LARP1B: variants seen among roughly 807,000 people sequenced by gnomAD.
The protein encoded by LARP1B is La ribonucleoprotein 1B, also known as la-related protein 1B.
Under a neutral mutation model 114.2 loss-of-function variants are expected in LARP1B, and 76 were observed. The ratio of observed to expected loss-of-function variants is 0.67; its 90% CI spans 0.55 to 0.81. The LOEUF is 0.81. Among genes scored for constraint, LARP1B ranks in the 30% least tolerant of loss-of-function variants. The probability of loss-of-function intolerance (pLI) is 0.00; values close to 1 mark genes in which losing one functional copy is unlikely to be tolerated. For synonymous variants in LARP1B, 345 were observed against 348.0 expected, an observed-to-expected ratio of 0.99 and a Z score of 0.10; for missense variants, 1,014 against 1,075.8, an observed-to-expected ratio of 0.94 and a Z score of 0.80.
chr4:128,091,060 G>C lies in LARP1B; in HGVS notation c.418G>C (p.Glu140Gln), dbSNP rs761152096. The part of the protein sequence containing the change: ...DQDDVSSVRS[E>Q]GGNIRGSFRG... ...AGATGACGTTTCCAGTGTGAGAAGT[G>C]AGGGTGGTAATATCCGAGGTTCCTT... Residue 140 changes from glutamate to glutamine, a missense_variant, in exon 6 of 20, where the codon GAG becomes CAG. Physicochemically the swap from Glu to Gln is conservative, Grantham distance 29. Transcript: ENST00000326639. 11 of 1,613,792 alleles carry C rather than the reference G, an allele frequency of 6.8e-6. No homozygotes were observed. In the South Asian group the frequency reaches 9.9e-5, roughly 15 times the overall value.
At chr4:128,130,783 CTT>C (rs1438138971) in intron 11 of LARP1B, among the ~76,000 whole-genome samples, 1 of 152,154 alleles carries the variant, frequency 6.6e-6, no homozygotes, top group Non-Finnish European at 1.5e-5. Context: ...CCCAAGGTGT[CTT>C]TGAATAGGTG....
intron 11 of LARP1B, among the ~76,000 whole-genome samples, chr4:128,142,502 A>G (rs917216420): frequency 1.3e-5 from 2 of 148,450 alleles, no homozygotes; most frequent in Middle Eastern, 3.2e-3. Context: ...TATGTTGTAT[A>G]TTTCTTTCTT....
chr4:128,134,254 G>A (rs1241353784), intron 11 of LARP1B, among the ~76,000 whole-genome samples: 1 of 151,962 alleles, frequency 6.6e-6, no homozygotes, highest in Non-Finnish European at 1.5e-5. Flanking sequence ...TTCCATCTTG[G>A]CCTTGCAAAG....
Position 128,126,466 on chromosome 4 carries a change from A to G in LARP1B, c.1524+4278A>G, listed in dbSNP as rs1358072337. The stretch of plus-strand genomic sequence containing the variant: ...AGTCAGATTATTAAACAAAATATGC[A>G]GTAGCTAGGCTTACTGTGTTTAAGG... On this transcript the variant is annotated intron_variant, in intron 11 of 19. Transcript: ENST00000326639. 3.3e-5 allele frequency among the ~76,000 whole-genome samples: 5 copies of G among 152,208 alleles called. No homozygotes were observed. The East Asian group carries it at 9.6e-4, about 29-fold the overall frequency.
In LARP1B at chr4:128,211,385, A is replaced by G; in HGVS notation, c.*1332A>G. On this transcript the variant is annotated 3_prime_UTR_variant, in exon 20 of 20. Coordinates refer to ENST00000326639, the MANE Select transcript of LARP1B (RefSeq NM_018078.4). ...ATATCTTGTTCTTATAAATTATAAT[A>G]TTGAAATACATATAATCTTTGGATG... 1 of 917,804 alleles carries G rather than the reference A, an allele frequency of 1.1e-6. No homozygotes were observed. The highest frequency in any genetic ancestry group is 1.3e-6 in the Non-Finnish European group (1 of 768,382). 56.9% of individuals were successfully genotyped at this position (917,804 alleles called of 1,614,324 possible).
chr4:128,200,238 A>G (rs904207473), intron 16 of LARP1B, among the ~76,000 whole-genome samples: 3 of 151,960 alleles, frequency 2.0e-5, no homozygotes, highest in Admixed American at 1.3e-4. Context: ...ATGGAAGACA[A>G]TTTTTCCATG....
intron 8 of LARP1B, among the ~76,000 whole-genome samples, chr4:128,106,764 TGTG>T (rs1447943215): frequency 3.9e-5 from 6 of 152,230 alleles, no homozygotes; most frequent in African/African-American, 9.6e-5. Context: ...TTCAATAAAT[TGTG>T]GTAATTATTA....
intron 7 of LARP1B, among the ~76,000 whole-genome samples, chr4:128,094,564 G>A: frequency 6.6e-6 from 1 of 151,182 alleles, no homozygotes; most frequent in East Asian, 1.9e-4. Flanking sequence ...GTGACACTGC[G>A]CCCAGCTAAT....
intron 7 of LARP1B, among the ~76,000 whole-genome samples, chr4:128,095,287 G>A (rs1435427684): frequency 6.6e-6 from 1 of 151,774 alleles, no homozygotes; most frequent in African/African-American, 2.4e-5. Flanking sequence ...TCAGGAGTTC[G>A]AGACCAGGCT....
chr4:128,197,665 G>A (rs1754653728), intron 15 of LARP1B, among the ~76,000 whole-genome samples: 1 of 151,880 alleles, frequency 6.6e-6, no homozygotes, highest in African/African-American at 2.4e-5. Context: ...CTGCACTCCA[G>A]CCTGGCAACA....
In LARP1B at chr4:128,116,921, GT is replaced by G. The variant is rs5861843; in HGVS notation, c.1161+2193del. Among the ~76,000 whole-genome samples, 271 of 136,886 alleles carry G rather than the reference GT, an allele frequency of 2.0e-3. 1 individual carries two copies. The highest frequency in any genetic ancestry group is 6.3e-3 in the African/African-American group (235 of 37,070). 89.8% of individuals were successfully genotyped at this position (136,886 alleles called of 152,430 possible). ...TCAAGTGATTTTTTTTTCCTCTTGA[GT>G]TTTTTTTTTTTTTGAGTCTTGCTGT... is the stretch of plus-strand genomic sequence containing the variant. On this transcript the variant is annotated intron_variant, in intron 10 of 19. Coordinates refer to ENST00000326639, the MANE Select transcript of LARP1B (RefSeq NM_018078.4).
At chr4:128,167,855 G>A (rs1036865383) in intron 12 of LARP1B, among the ~76,000 whole-genome samples, 2 of 151,990 alleles carry the variant, frequency 1.3e-5, no homozygotes, top group Admixed American at 6.6e-5. Flanking sequence ...GCCATTTCTA[G>A]AATGTCATAT....
chr4:128,143,757 G>T (rs141148757), intron 11 of LARP1B, among the ~76,000 whole-genome samples: 4 of 149,486 alleles, frequency 2.7e-5, no homozygotes, highest in African/African-American at 9.8e-5. Context: ...AGGTATTGGA[G>T]AAATGACAGT....
At chr4:128,164,862 A>G (rs900218207) in intron 12 of LARP1B, among the ~76,000 whole-genome samples, 7 of 152,162 alleles carry the variant, frequency 4.6e-5, no homozygotes, top group Admixed American at 6.6e-5. Context: ...ATGCCCAGTT[A>G]TAGTAGAATG....
intron 5 of LARP1B, 132 bp from the exon 6 acceptor site, chr4:128,090,869 C>T: frequency 1.6e-6 from 1 of 618,018 alleles, no homozygotes. Context: ...AGTTTGTATC[C>T]ATCTGAAAAA....
chr4:128,138,409 T>C (rs1053064135), intron 11 of LARP1B, among the ~76,000 whole-genome samples: 1 of 152,186 alleles, frequency 6.6e-6, no homozygotes, highest in African/African-American at 2.4e-5. Flanking sequence ...TATGACAATT[T>C]AAAAATCTTC....
intron 11 of LARP1B, among the ~76,000 whole-genome samples, chr4:128,148,404 C>A (rs1731253627): frequency 6.6e-6 from 1 of 151,702 alleles, no homozygotes; most frequent in Non-Finnish European, 1.5e-5. Flanking sequence ...GCACTCCAGT[C>A]CAGCCTGGGC....
chr4:128,185,916 C>T (rs1256167886), intron 15 of LARP1B, among the ~76,000 whole-genome samples: 1 of 152,034 alleles, frequency 6.6e-6, no homozygotes, highest in East Asian at 1.9e-4. Flanking sequence ...TTTCTTAGCC[C>T]CACTTATCGA....
intron 8 of LARP1B, among the ~76,000 whole-genome samples, chr4:128,106,182 C>A (rs1782025335): frequency 6.6e-6 from 1 of 151,968 alleles, no homozygotes. Flanking sequence ...TGCCACCATG[C>A]CCAGCTAATT....
Sources: allele counts gnomAD v4.1 joint callset (sites outside exome capture counted in the v4.1 genomes callset), GRCh38; gene constraint gnomAD v4.1.1; transcripts MANE v1.5; gene names NCBI Gene and HGNC (gene_info 2026-07-23, HGNC 2026-07-21).